The following KCTD8 variants were observed in gnomAD, a reference collection of about 807,000 sequenced individuals.
KCTD8 encodes the protein potassium channel tetramerization domain containing 8.
KCTD8 carries 27 observed loss-of-function variants against 31.5 expected under a neutral mutation model. The observed-to-expected ratio is 0.86, with a 90% CI of 0.63 to 1.18. KCTD8 has a LOEUF of 1.18. Ranked by LOEUF, KCTD8 falls within the 50% of genes most tolerant of loss-of-function variation. The pLI, the probability that KCTD8 is intolerant of heterozygous loss-of-function variation, is 0.00. For synonymous variants in KCTD8, 290 were observed against 280.0 expected (o/e 1.04, Z -0.36); for missense variants, 658 against 647.7 (o/e 1.02, Z -0.17).
rs202214372 is a variant in KCTD8 at position 44,192,029 on chromosome 4, G to A, written c.962-16779C>T. On this transcript the variant is annotated intron_variant, in intron 1 of 1. Transcript: ENST00000360029. ...ACCGATATGTGATGTCACCCCTGGC[G>A]GCCCAGCTGTAAAATTCCCCTCTTT... is the stretch of plus-strand genomic sequence containing the variant. 3.3e-5 allele frequency among the ~76,000 whole-genome samples: 5 copies of A among 152,094 alleles called. No individual in the cohort carries two copies. In the East Asian group the frequency reaches 5.8e-4, roughly 18 times the overall value.
chr4:44,249,348 C>T (rs1450706245), intron 1 of KCTD8, among the ~76,000 whole-genome samples: 1 of 151,646 alleles, frequency 6.6e-6, no homozygotes, highest in Non-Finnish European at 1.5e-5. Flanking sequence ...AATCAATTTC[C>T]TTTACAAGTC....
At chr4:44,333,242 G>T (rs1439185130) in intron 1 of KCTD8, among the ~76,000 whole-genome samples, 2 of 152,032 alleles carry the variant, frequency 1.3e-5, no homozygotes, top group Non-Finnish European at 2.9e-5. Flanking sequence ...ATCCAATACA[G>T]GGACCAGGAA....
intron 1 of KCTD8, among the ~76,000 whole-genome samples, chr4:44,268,213 T>A (rs1289892438): frequency 6.6e-6 from 1 of 152,066 alleles, no homozygotes. Context: ...GTGGGCTTCA[T>A]CCCTGGGATG....
intron 1 of KCTD8, among the ~76,000 whole-genome samples, chr4:44,357,905 A>ATTATTATTATT (rs1560434983): frequency 3.3e-5 from 5 of 151,268 alleles, no homozygotes; most frequent in African/African-American, 1.2e-4. Flanking sequence ...TTATTATTAT[A>ATTATTATTATT]ATTATTATTA....
intron 1 of KCTD8, among the ~76,000 whole-genome samples, chr4:44,192,475 T>TAC (rs34405384): frequency 0.087 from 11,897 of 137,040 alleles, 488 homozygotes; most frequent in Admixed American, 0.12. Flanking sequence ...TAAGCAAAGA[T>TAC]ACACACACAC....
intron 1 of KCTD8, among the ~76,000 whole-genome samples, chr4:44,289,243 C>G (rs57294429): frequency 6.6e-6 from 1 of 150,844 alleles, no homozygotes; most frequent in Admixed American, 6.6e-5. Context: ...TATTAAAATG[C>G]TATACTATTA....
chr4:44,356,524 A>G (rs1719346610), intron 1 of KCTD8, among the ~76,000 whole-genome samples: 1 of 152,116 alleles, frequency 6.6e-6, no homozygotes, highest in Admixed American at 6.6e-5. Flanking sequence ...CCCAGGCTGG[A>G]GTGCAGTGGC....
intron 1 of KCTD8, among the ~76,000 whole-genome samples, chr4:44,409,446 C>T (rs1239990451): frequency 1.3e-5 from 2 of 151,986 alleles, no homozygotes; most frequent in Admixed American, 6.6e-5. Context: ...GCCCCAGACT[C>T]GAGTGTTTGA....
intron 1 of KCTD8, among the ~76,000 whole-genome samples, chr4:44,347,672 A>C (rs764792374): frequency 1.3e-5 from 2 of 152,246 alleles, no homozygotes; most frequent in Non-Finnish European, 2.9e-5. Flanking sequence ...ATAACTAATG[A>C]GAAAATTATA....
intron 1 of KCTD8, among the ~76,000 whole-genome samples, chr4:44,226,510 T>C (rs1303998466): frequency 1.3e-5 from 2 of 152,202 alleles, no homozygotes; most frequent in Admixed American, 1.3e-4. Flanking sequence ...TATGTGTGCA[T>C]GTGTCTTCAT....
chr4:44,410,560 A>G (rs1032304656), intron 1 of KCTD8, among the ~76,000 whole-genome samples: 6 of 152,152 alleles, frequency 3.9e-5, no homozygotes, highest in African/African-American at 1.4e-4. Context: ...TGATAAAGAC[A>G]TACCTGAGAC....
chr4:44,335,321 A>C (rs1039488080), intron 1 of KCTD8, among the ~76,000 whole-genome samples: 1 of 152,174 alleles, frequency 6.6e-6, no homozygotes, highest in South Asian at 2.1e-4. Context: ...AATCTAAAAA[A>C]TAAATTTATT....
chr4:44,303,711 G>A (rs1314838728), intron 1 of KCTD8, among the ~76,000 whole-genome samples: 1 of 151,924 alleles, frequency 6.6e-6, no homozygotes, highest in African/African-American at 2.4e-5. Context: ...AGTTACTTAG[G>A]AGGCTAAGGC....
chr4:44,355,824 G>A (rs1297905015), intron 1 of KCTD8, among the ~76,000 whole-genome samples: 1 of 152,156 alleles, frequency 6.6e-6, no homozygotes. Flanking sequence ...AATTAAGAAT[G>A]TGGATTATTT....
intron 1 of KCTD8, among the ~76,000 whole-genome samples, chr4:44,195,897 A>T (rs1713926902): frequency 6.6e-6 from 1 of 152,224 alleles, no homozygotes. Flanking sequence ...TAATTTTTAA[A>T]CTACCTACTA....
intron 1 of KCTD8, among the ~76,000 whole-genome samples, chr4:44,367,087 T>C (rs2109433693): frequency 6.6e-6 from 1 of 152,196 alleles, no homozygotes; most frequent in Non-Finnish European, 1.5e-5. Flanking sequence ...CTTGCTGGGC[T>C]CCCTCCTGCT....
intron 1 of KCTD8, among the ~76,000 whole-genome samples, chr4:44,215,940 A>G (rs1714635671): frequency 6.6e-6 from 1 of 152,210 alleles, no homozygotes; most frequent in Non-Finnish European, 1.5e-5. Context: ...AAGGCTAAAA[A>G]TATGGTGAGG....
rs574312052 is a variant in KCTD8 at position 44,347,255 on chromosome 4, C to T, written c.961+100308G>A. Among the ~76,000 whole-genome samples the T allele has an allele frequency of 2.2e-4, 34 of 152,284 alleles. 1 individual carries two copies. In the South Asian group the frequency reaches 3.9e-3, roughly 18 times the overall value. ...TGAGTACACCTAATAAATGAAAGGT[C>T]ATCTGAGTTTCTCTTGTTAAGGTCC... On this transcript the variant is annotated intron_variant, in intron 1 of 1. Transcript: ENST00000360029.
At chr4:44,359,348 T>C (rs1553903444) in intron 1 of KCTD8, among the ~76,000 whole-genome samples, 1 of 152,118 alleles carries the variant, frequency 6.6e-6, no homozygotes, top group Non-Finnish European at 1.5e-5. Flanking sequence ...GCTTTTCTGA[T>C]TGATATTGTA....
Sources: allele counts gnomAD v4.1 joint callset (sites outside exome capture counted in the v4.1 genomes callset), GRCh38; gene constraint gnomAD v4.1.1; transcripts MANE v1.5; gene names NCBI Gene and HGNC (gene_info 2026-07-23, HGNC 2026-07-21).